Variants in KMT2C observed in about 807,000 individuals in gnomAD.
KMT2C encodes histone-lysine N-methyltransferase 2C.
A neutral mutation model predicts 507.9 loss-of-function variants in KMT2C; 88 were observed. The ratio of observed to expected loss-of-function variants is 0.17; its 90% CI spans 0.15 to 0.21. KMT2C has a LOEUF of 0.21. Ranked by LOEUF, KMT2C falls within the 10% of genes least tolerant of loss-of-function variation. The probability of loss-of-function intolerance (pLI) is 1.00; values close to 1 mark genes in which losing one functional copy is unlikely to be tolerated. For missense variants in KMT2C, 4,954 were observed against 5,957.8 expected (o/e 0.83, Z 5.55); for synonymous variants, 2,049 against 2,080.8 (o/e 0.98, Z 0.42).
At position 152,222,646 on chromosome 7, in the gene KMT2C, C is replaced by T; in HGVS notation, c.3360G>A (p.Glu1120=). Residue 1120 remains glutamate (E), a synonymous_variant, in exon 21 of 59, where the codon GAG becomes GAA. Transcript: ENST00000262189. ...TGTCTGCTACATTTTCCACTTCTTCCTCAGTATTTAAGTTCTGACAAACTG... is the reference window on the plus strand; with the variant it reads ...TGTCTGCTACATTTTCCACTTCTTCTTCAGTATTTAAGTTCTGACAAACTG... ...MHAVCQNLNT[E]EEVENVADIG... 1 of 1,610,070 alleles carries T rather than the reference C, an allele frequency of 6.2e-7. No homozygotes were observed. The highest frequency in any genetic ancestry group is 8.5e-7 in the Non-Finnish European group (1 of 1,178,240).
At chr7:152,230,346 T>G (rs767835756) in intron 16 of KMT2C, 25 bp from the exon 17 acceptor site, 1 of 1,042,124 alleles carries the variant, frequency 9.6e-7, no homozygotes. Flanking sequence ...ATACACAGAA[T>G]ACGAAGTTAT....
At chr7:152,139,328 C>G (rs1046360876) in intron 56 of KMT2C, 69 bp from the exon 57 acceptor site, 3 of 1,418,512 alleles carry the variant, frequency 2.1e-6, no homozygotes, top group Non-Finnish European at 3.0e-6. Context: ...CCTATCCACA[C>G]CAGGAGGACT....
intron 9 of KMT2C, among the ~76,000 whole-genome samples, chr7:152,259,489 C>CACACACACACACACACACACAG (rs1475340079): frequency 8.8e-6 from 1 of 113,778 alleles, no homozygotes. Flanking sequence ...CACACACACA[C>CACACACACACACACACACACAG]AGAGAAAGCA....
rs112731121 is a variant in KMT2C at position 152,255,157 on chromosome 7, ATG to A, written c.1300-2444_1300-2443del. 8.7e-4 allele frequency among the ~76,000 whole-genome samples: 112 copies of A among 128,306 alleles called. 2 individuals carry two copies. The highest frequency in any genetic ancestry group is 2.8e-3 in the African/African-American group (94 of 33,084). 84.2% of individuals were successfully genotyped at this position (128,306 alleles called of 152,430 possible). A position where few individuals can be genotyped will look rare whatever the true frequency, so the allele number is the denominator to read the frequency against. ...TATATATATATATACATATATATAT[ATG>A]TGTGTGTGTGTGTGTGTGTGTTTTG... On this transcript the variant is annotated intron_variant, in intron 9 of 58. Coordinates refer to ENST00000262189, the MANE Select transcript of KMT2C (RefSeq NM_170606.3).
chr7:152,278,650 G>A (rs1391659292), intron 6 of KMT2C, among the ~76,000 whole-genome samples: 2 of 151,854 alleles, frequency 1.3e-5, no homozygotes, highest in Non-Finnish European at 2.9e-5. Flanking sequence ...GACTTGAGGG[G>A]AAAAAACACA....
At chr7:152,180,618 A>G in intron 36 of KMT2C, 93 bp downstream of exon 36, 1 of 965,658 alleles carries the variant, frequency 1.0e-6, no homozygotes, top group Non-Finnish European at 1.5e-6. Flanking sequence ...AAAAAATAAA[A>G]CATTAACTCC....
rs116143005 is a variant in KMT2C at position 152,330,862 on chromosome 7, T to C, written c.251-123A>G. 811 of 909,790 alleles carry C rather than the reference T, an allele frequency of 8.9e-4. 3 individuals carry two copies. In the African/African-American group the frequency reaches 0.012, roughly 13 times the overall value. The allele number at this position is 909,790 out of a possible 1,614,324, so 56.4% of individuals were successfully genotyped here. On this transcript the variant is annotated intron_variant, in intron 2 of 58. Coordinates refer to ENST00000262189, the MANE Select transcript of KMT2C (RefSeq NM_170606.3). ...GAAACAACAAATAACAATATTTCACTAACACAAGAAAAGTTCATGCACGTA... is the reference window on the plus strand; with the variant it reads ...GAAACAACAAATAACAATATTTCACCAACACAAGAAAAGTTCATGCACGTA...
In KMT2C at chr7:152,171,143, C is replaced by T. The variant is rs1008958274; in HGVS notation, c.9453+121G>A. On this transcript the variant is annotated intron_variant, in intron 40 of 58. Transcript: ENST00000262189. ...ACTGGCAAATGGCATATGGTGAAAT[C>T]CGCATTTACTTCTGCACAAACCTAG... The T allele has an allele frequency of 1.5e-5, 8 of 528,742 alleles. No individual in the cohort carries two copies. In the African/African-American group the frequency reaches 1.6e-4, roughly 10 times the overall value. 32.8% of individuals were successfully genotyped at this position (528,742 alleles called of 1,614,324 possible).
intron 18 of KMT2C, among the ~76,000 whole-genome samples, chr7:152,227,531 A>G (rs1340746021): frequency 1.3e-5 from 2 of 152,204 alleles, no homozygotes; most frequent in Non-Finnish European, 2.9e-5. Context: ...GGTCTCTGAG[A>G]GGAAGGAAAC....
chr7:152,248,563 T>C lies in KMT2C; in HGVS notation c.1871A>G (p.Asp624Gly), dbSNP rs2129164551. The change falls in exon 14 of 59, where the codon GAT (aspartate) becomes GGT (glycine). Residue 624 changes from aspartate (D) to glycine (G), a missense_variant. Coordinates refer to ENST00000262189, the MANE Select transcript of KMT2C (RefSeq NM_170606.3). ...AGAAGACATTTTCAGGTCTTCACTA[T>C]CAACTTCATTAGAAATCTGTTTTTC... ...ELEKQISNEV[D>G]SEDLKMSSEV... The C allele has an allele frequency of 1.2e-6, 2 of 1,613,828 alleles. No individual in the cohort carries two copies. Among genetic ancestry groups the C allele is most frequent in the Non-Finnish European group, 1.7e-6 (2 of 1,179,774 alleles).
chr7:152,143,037 G>A (rs551223332), intron 55 of KMT2C, among the ~76,000 whole-genome samples: 1 of 152,310 alleles, frequency 6.6e-6, no homozygotes, highest in East Asian at 1.9e-4. Flanking sequence ...GTTGAACACA[G>A]TTAAGATACC....
chr7:152,195,805 C>T, intron 28 of KMT2C, 102 bp downstream of exon 28: 1 of 617,820 alleles, frequency 1.6e-6, no homozygotes, highest in Non-Finnish European at 2.6e-6. Flanking sequence ...AACAAAAACA[C>T]AGTTACTGGG....
chr7:152,307,938 CT>C (rs1265964931), intron 6 of KMT2C, among the ~76,000 whole-genome samples: 1 of 152,166 alleles, frequency 6.6e-6, no homozygotes, highest in Non-Finnish European at 1.5e-5. Flanking sequence ...CCCTGTAATA[CT>C]TTTCACTGTC....
intron 1 of KMT2C, among the ~76,000 whole-genome samples, chr7:152,394,974 T>C (rs2097527985): frequency 6.6e-6 from 1 of 152,190 alleles, no homozygotes; most frequent in East Asian, 1.9e-4. Context: ...TTAAAATTTT[T>C]CTTATTTGAA....
chr7:152,426,126 T>G (rs527416910), intron 1 of KMT2C, among the ~76,000 whole-genome samples: 1 of 152,260 alleles, frequency 6.6e-6, no homozygotes, highest in East Asian at 1.9e-4. Context: ...ACCTAGCTTT[T>G]TAAAAATCTT....
Position 152,315,324 on chromosome 7 carries a change from G to A in KMT2C, c.404C>T (p.Ala135Val), listed in dbSNP as rs1269169047. The A allele has an allele frequency of 1.9e-6, 3 of 1,613,522 alleles. No homozygotes were observed. Among genetic ancestry groups the A allele is most frequent in the East Asian group, 4.5e-5 (2 of 44,820 alleles). Residue 135 changes from alanine to valine, a missense_variant, in exon 4 of 59, where the codon GCT (alanine) becomes GTT (valine). By Grantham distance (64) the Ala-to-Val change is moderately conservative. Around this residue, in one of 29 missense-constraint regions of KMT2C, gnomAD observed 233 missense variants for 263.6 expected, o/e 0.88. Coordinates refer to ENST00000262189, the MANE Select transcript of KMT2C (RefSeq NM_170606.3). The part of the protein sequence containing the change: ...VEAKISEQLC[A>V]FCYCGEKSSL... ...ACTTTTTTCCCCACAGTAACAAAAA[G>A]CGCAGAGCTGTTCACTAGTAAAAAT...
Position 152,224,198 on chromosome 7 carries a change from C to A in KMT2C, c.3159-19G>T. On this transcript the variant is annotated intron_variant, in intron 19 of 58. Coordinates refer to ENST00000262189, the MANE Select transcript of KMT2C (RefSeq NM_170606.3). ...AACACACCTGAAATCCAAATCCCCC[C>A]GAAAAGTCTCAATTTTATTTTCTTA... 12 of 1,589,888 alleles carry A rather than the reference C, an allele frequency of 7.5e-6. No homozygotes were observed. The highest frequency in any genetic ancestry group is 1.0e-5 in the Non-Finnish European group (12 of 1,164,036).
intron 1 of KMT2C, among the ~76,000 whole-genome samples, chr7:152,366,007 A>T (rs2097240446): frequency 6.6e-6 from 1 of 152,224 alleles, no homozygotes. Context: ...GCTCACGATG[A>T]CTATTAGAAA....
intron 1 of KMT2C, among the ~76,000 whole-genome samples, chr7:152,401,101 T>G (rs1425951131): frequency 6.8e-6 from 1 of 147,932 alleles, no homozygotes; most frequent in Non-Finnish European, 1.5e-5. Context: ...TCATTAACTT[T>G]TTTTTTTTTT....
Sources: gnomAD v4.1 joint callset for allele counts (sites outside exome capture counted in the v4.1 genomes callset) on GRCh38, gnomAD v4.1.1 for gene constraint, gnomAD v4.1.1 regional missense constraint, MANE v1.5 for transcripts, NCBI Gene and HGNC (gene_info 2026-07-23, HGNC 2026-07-21) for gene names.